KDELR2: variants seen among roughly 807,000 people sequenced by gnomAD.
KDELR2 encodes the protein KDEL endoplasmic reticulum protein retention receptor 2.
In KDELR2, 15 loss-of-function variants were observed where a neutral mutation model predicts 23.9. The ratio of observed to expected loss-of-function variants is 0.63; its 90% CI spans 0.42 to 0.97. The LOEUF is 0.97. KDELR2 is among the 50% of genes least tolerant of loss of function. The probability of loss-of-function intolerance (pLI) is 0.00; values close to 1 mark genes in which losing one functional copy is unlikely to be tolerated. For synonymous variants in KDELR2, 119 were observed against 106.2 expected, an observed-to-expected ratio of 1.12 and a Z score of -0.74; for missense variants, 272 against 254.6, an observed-to-expected ratio of 1.07 and a Z score of -0.46.
chr7:6,466,797 T>C (rs1785512892), intron 3 of KDELR2, among the ~76,000 whole-genome samples: 1 of 151,890 alleles, frequency 6.6e-6, no homozygotes, highest in Non-Finnish European at 1.5e-5. Context: ...CAGTTCACAA[T>C]AGGGCTCATG....
chr7:6,463,105 C>G lies in KDELR2; in HGVS notation c.*36G>C. 3 of 1,613,982 alleles carry G rather than the reference C, an allele frequency of 1.9e-6. No homozygotes were observed. The highest frequency in any genetic ancestry group is 2.5e-6 in the Non-Finnish European group (3 of 1,180,026). ...CTGTGGTAAGAATTCTGTCCGAGCACCCTGAAGGACAGATGCTGGTGATGG... is the reference window on the plus strand; with the variant it reads ...CTGTGGTAAGAATTCTGTCCGAGCAGCCTGAAGGACAGATGCTGGTGATGG... On this transcript the variant is annotated 3_prime_UTR_variant, in exon 5 of 5. Coordinates refer to ENST00000258739, the MANE Select transcript of KDELR2 (RefSeq NM_006854.4).
At chr7:6,473,131 C>G (rs1212248708) in intron 2 of KDELR2, among the ~76,000 whole-genome samples, 4 of 134,832 alleles carry the variant, frequency 3.0e-5, no homozygotes, top group African/African-American at 1.1e-4. Context: ...CTATGTTGCT[C>G]AGGCTGGTCT....
intron 1 of KDELR2, among the ~76,000 whole-genome samples, chr7:6,478,192 G>A (rs964678776): frequency 1.1e-4 from 16 of 151,508 alleles, no homozygotes; most frequent in African/African-American, 3.6e-4. Flanking sequence ...ACCTCACTCA[G>A]TTGCCCAACC....
chr7:6,478,909 C>G (rs1036208657), intron 1 of KDELR2, among the ~76,000 whole-genome samples: 6 of 152,174 alleles, frequency 3.9e-5, no homozygotes, highest in Non-Finnish European at 5.9e-5. Context: ...CTGCCTCAGC[C>G]TCCCTAGTGG....
At chr7:6,465,912 A>G (rs1785493859) in intron 4 of KDELR2, among the ~76,000 whole-genome samples, 159 bp downstream of exon 4, 1 of 152,186 alleles carries the variant, frequency 6.6e-6, no homozygotes, top group African/African-American at 2.4e-5. Flanking sequence ...TCTTATATTT[A>G]AAAAGACAAC....
chr7:6,473,660 A>C (rs1392683514), intron 2 of KDELR2, among the ~76,000 whole-genome samples: 1 of 152,264 alleles, frequency 6.6e-6, no homozygotes, highest in African/African-American at 2.4e-5. Flanking sequence ...TCATTTAAGC[A>C]CGGCAAATGT....
intron 4 of KDELR2, among the ~76,000 whole-genome samples, chr7:6,465,109 G>A (rs915132463): frequency 2.0e-5 from 3 of 151,456 alleles, no homozygotes; most frequent in Non-Finnish European, 4.4e-5. Context: ...CCTGGGATCT[G>A]TGGTTGGGTT....
intron 1 of KDELR2, chr7:6,482,281 G>C (rs1583322702): frequency 5.4e-6 from 1 of 183,518 alleles, no homozygotes; most frequent in East Asian, 1.5e-4. Flanking sequence ...TTACAGGCAT[G>C]AGCCATCGCG....
intron 1 of KDELR2, among the ~76,000 whole-genome samples, chr7:6,483,182 G>A (rs1240848714): frequency 6.6e-6 from 1 of 152,152 alleles, no homozygotes; most frequent in African/African-American, 2.4e-5. Context: ...GTGGAGCAAC[G>A]AATTGCAGGA....
At chr7:6,463,648 G>C (rs1785433276) in intron 4 of KDELR2, among the ~76,000 whole-genome samples, 4 of 152,000 alleles carry the variant, frequency 2.6e-5, no homozygotes, top group Non-Finnish European at 4.4e-5. Context: ...GATGAGCAGG[G>C]AGGATCACTT....
chr7:6,466,012 A>G, intron 4 of KDELR2, 59 bp downstream of exon 4: 1 of 1,576,430 alleles, frequency 6.3e-7, no homozygotes, highest in South Asian at 1.1e-5. Context: ...AGTGCTGGGC[A>G]AGGGCACTCC....
At chr7:6,482,038 C>T (rs1254242351) in intron 1 of KDELR2, among the ~76,000 whole-genome samples, 3 of 151,160 alleles carry the variant, frequency 2.0e-5, no homozygotes, top group East Asian at 2.0e-4. Context: ...GTTTCGCTCT[C>T]GTTGCCCAGG....
In KDELR2 at chr7:6,466,097, T is replaced by C; in HGVS notation, c.578A>G (p.Asp193Gly). 6.2e-7 allele frequency: 1 copy of C among 1,613,896 alleles called. No individual in the cohort carries two copies. Among genetic ancestry groups the C allele is most frequent in the Non-Finnish European group, 8.5e-7 (1 of 1,179,982 alleles). The change falls in exon 4 of 5, where the codon GAC (aspartate) becomes GGC (glycine). Residue 193 changes from aspartate to glycine, a missense_variant. By Grantham distance (94) the Asp-to-Gly change is moderately conservative (BLOSUM62 -1). Coordinates refer to ENST00000258739, the MANE Select transcript of KDELR2 (RefSeq NM_006854.4). ...TTTTGTAATGTACAAGTAGAAGAAG[T>C]CACAGTATAGGATGGTCTGGACTAC... is the stretch of plus-strand genomic sequence containing the variant. ...AGVVQTILYC[D>G]FFYLYITKVL... is the part of the protein sequence containing the mutation.
At chr7:6,463,682 G>A (rs1785434011) in intron 4 of KDELR2, among the ~76,000 whole-genome samples, 1 of 151,860 alleles carries the variant, frequency 6.6e-6, no homozygotes, top group Non-Finnish European at 1.5e-5. Flanking sequence ...TGGGACTGCA[G>A]TGAGGAAGGA....
chr7:6,463,320 C>A (rs758528483), intron 4 of KDELR2, 145 bp from the exon 5 acceptor site: 1 of 650,104 alleles, frequency 1.5e-6, no homozygotes, highest in Non-Finnish European at 2.6e-6. Flanking sequence ...TTTAAAAATA[C>A]AAATTTGATT....
intron 2 of KDELR2, among the ~76,000 whole-genome samples, chr7:6,471,709 G>A (rs1785647127): frequency 6.6e-6 from 1 of 152,108 alleles, no homozygotes; most frequent in South Asian, 2.1e-4. Flanking sequence ...TCCATTGGTG[G>A]TCCATTGTAT....
intron 1 of KDELR2, among the ~76,000 whole-genome samples, chr7:6,477,067 A>G (rs922852045): frequency 6.6e-6 from 1 of 152,220 alleles, no homozygotes; most frequent in African/African-American, 2.4e-5. Context: ...GTATTTTGGG[A>G]GAACACTTCT....
chr7:6,465,049 T>A (rs1281525380), intron 4 of KDELR2, among the ~76,000 whole-genome samples: 1 of 151,752 alleles, frequency 6.6e-6, no homozygotes, highest in Non-Finnish European at 1.5e-5. Context: ...ATATGCTTTT[T>A]ACCTAGCAAT....
intron 3 of KDELR2, among the ~76,000 whole-genome samples, chr7:6,468,466 T>A (rs752204667): frequency 6.6e-5 from 10 of 151,632 alleles, no homozygotes; most frequent in Non-Finnish European, 1.5e-4. Flanking sequence ...GTAGCTGGGA[T>A]TACAGGCGTG....
Sources: allele counts gnomAD v4.1 joint callset (sites outside exome capture counted in the v4.1 genomes callset), GRCh38; gene constraint gnomAD v4.1.1; transcripts MANE v1.5; gene names NCBI Gene and HGNC (gene_info 2026-07-23, HGNC 2026-07-21).